The following ZNF609 variants were observed in gnomAD, a reference collection of about 807,000 sequenced individuals.
ZNF609 encodes the protein zinc finger protein 609.
ZNF609 carries 11 observed loss-of-function variants against 109.5 expected under a neutral mutation model. That is an observed-to-expected ratio of 0.10 (90% CI 0.06 to 0.17). ZNF609 has a LOEUF of 0.17. Among genes scored for constraint, ZNF609 ranks in the 10% least tolerant of loss-of-function variants. ZNF609 has a pLI of 1.00. For synonymous variants in ZNF609, 646 were observed against 662.0 expected (o/e 0.98, Z 0.37); for missense variants, 1,559 against 1,772.4 (o/e 0.88, Z 2.16).
chr15:64,492,274 G>A (rs1410207091), intron 1 of ZNF609, among the ~76,000 whole-genome samples: 2 of 152,066 alleles, frequency 1.3e-5, no homozygotes, highest in Non-Finnish European at 2.9e-5. Flanking sequence ...AGCCACATGT[G>A]AAGGTAGGCA....
At chr15:64,571,012 C>T (rs920917333) in intron 2 of ZNF609, among the ~76,000 whole-genome samples, 9 of 152,166 alleles carry the variant, frequency 5.9e-5, no homozygotes, top group Middle Eastern at 3.4e-3. Context: ...GGCAACAGAG[C>T]GAGACTCTGT....
intron 6 of ZNF609, among the ~76,000 whole-genome samples, chr15:64,679,073 T>C (rs944973146): frequency 6.6e-6 from 1 of 152,164 alleles, no homozygotes; most frequent in African/African-American, 2.4e-5. Context: ...TAAATGTTTT[T>C]TGTTTGTTTG....
At chr15:64,482,280 G>A (rs1335825702) in intron 1 of ZNF609, among the ~76,000 whole-genome samples, 2 of 151,988 alleles carry the variant, frequency 1.3e-5, no homozygotes, top group Non-Finnish European at 2.9e-5. Flanking sequence ...TTTTCTGATT[G>A]GAACGTGAAT....
At chr15:64,541,213 G>A (rs1244973067) in intron 2 of ZNF609, among the ~76,000 whole-genome samples, 1 of 151,486 alleles carries the variant, frequency 6.6e-6, no homozygotes, top group Non-Finnish European at 1.5e-5. Flanking sequence ...GGATCACGAG[G>A]TCAGGAGATC....
intron 4 of ZNF609, 47 bp downstream of exon 4, chr15:64,670,480 A>G (rs766570437): frequency 2.7e-6 from 4 of 1,484,520 alleles, no homozygotes; most frequent in South Asian, 2.3e-5. Flanking sequence ...AACCACACTA[A>G]TTGGTGATCC....
At chr15:64,667,150 A>T (rs1476818476) in intron 3 of ZNF609, among the ~76,000 whole-genome samples, 2 of 152,046 alleles carry the variant, frequency 1.3e-5, no homozygotes, top group African/African-American at 4.8e-5. Context: ...AAACAAACAA[A>T]AAAACCCTGA....
intron 2 of ZNF609, among the ~76,000 whole-genome samples, chr15:64,560,277 A>G (rs1178196602): frequency 6.7e-6 from 1 of 149,804 alleles, no homozygotes; most frequent in East Asian, 2.0e-4. Context: ...TGATCTCTTG[A>G]CCTCGTGATC....
Position 64,480,560 on chromosome 15 carries a change from A to G in ZNF609, c.-127-18733A>G, listed in dbSNP as rs140919901. Among the ~76,000 whole-genome samples the G allele has an allele frequency of 3.3e-5, 5 of 152,232 alleles. No individual in the cohort carries two copies. The East Asian group carries it at 5.8e-4, about 18-fold the overall frequency. On this transcript the variant is annotated intron_variant, in intron 1 of 9. Coordinates refer to ENST00000326648, the MANE Select transcript of ZNF609 (RefSeq NM_015042.2). ...AAAAAAAACAAAAAAAGTGTTACCAATAATTTAATTCTCATCTCATATGCT... is the reference window on the plus strand; with the variant it reads ...AAAAAAAACAAAAAAAGTGTTACCAGTAATTTAATTCTCATCTCATATGCT...
intron 1 of ZNF609, among the ~76,000 whole-genome samples, chr15:64,479,543 G>A (rs759469428): frequency 1.3e-5 from 2 of 151,594 alleles, no homozygotes; most frequent in African/African-American, 4.8e-5. Flanking sequence ...CGCCCATCTC[G>A]ACCTCCCAAA....
intron 2 of ZNF609, among the ~76,000 whole-genome samples, 163 bp from the exon 3 acceptor site, chr15:64,622,664 T>C (rs1895894295): frequency 6.6e-6 from 1 of 152,212 alleles, no homozygotes; most frequent in South Asian, 2.1e-4. Flanking sequence ...ACTAGATTTG[T>C]AGTGGTATCA....
chr15:64,640,357 T>C (rs1896236141), intron 3 of ZNF609, among the ~76,000 whole-genome samples: 1 of 151,996 alleles, frequency 6.6e-6, no homozygotes, highest in Non-Finnish European at 1.5e-5. Context: ...TTTCTCTGCA[T>C]TACTATTTAC....
intron 2 of ZNF609, among the ~76,000 whole-genome samples, chr15:64,554,535 C>T (rs1482275452): frequency 1.2e-4 from 18 of 151,978 alleles, no homozygotes; most frequent in Admixed American, 6.6e-4. Context: ...CAGGCATGCA[C>T]CTGTAGTCCC....
In ZNF609 at chr15:64,602,889, A is replaced by ATTTTTTTTTTT. The variant is rs10600562; in HGVS notation, c.748-19919_748-19909dup. ...AGGTGCCTGCCACCACTCTGGGCTA[A>ATTTTTTTTTTT]TTTTTTTTTTTTTTTTTTTTTTTTT... On this transcript the variant is annotated intron_variant, in intron 2 of 9. Transcript: ENST00000326648. Among the ~76,000 whole-genome samples, 68 of 75,174 alleles carry ATTTTTTTTTTT rather than the reference A, an allele frequency of 9.0e-4. 1 individual carries two copies. Among genetic ancestry groups the ATTTTTTTTTTT allele is most frequent in the Non-Finnish European group, 1.2e-3 (50 of 42,940 alleles). The allele number at this position is 75,174 out of a possible 152,430, so 49.3% of individuals were successfully genotyped here. A position where few individuals can be genotyped will look rare whatever the true frequency, so the allele number is the denominator to read the frequency against.
chr15:64,460,578 G>T lies in ZNF609; in HGVS notation c.-388G>T, dbSNP rs1489447140. ...GTGTCCGCGTCTTCCGGGTGACTCT[G>T]GTTGTCCCGGATCGCGGCGGCGGCG... is the stretch of plus-strand genomic sequence containing the variant. On this transcript the variant is annotated 5_prime_UTR_variant, in exon 1 of 10. Coordinates refer to ENST00000326648, the MANE Select transcript of ZNF609 (RefSeq NM_015042.2). Among the ~76,000 whole-genome samples, 1 of 152,060 alleles carries T rather than the reference G, an allele frequency of 6.6e-6. No individual in the cohort carries two copies.
At chr15:64,462,911 A>G (rs1343631301) in intron 1 of ZNF609, among the ~76,000 whole-genome samples, 1 of 152,224 alleles carries the variant, frequency 6.6e-6, no homozygotes, top group Admixed American at 6.5e-5. Context: ...CCTATTGTAC[A>G]TATCTGATAG....
In ZNF609 at chr15:64,674,263, C is replaced by T. The variant is rs749995002; in HGVS notation, c.1409C>T (p.Ser470Leu). 6.8e-6 allele frequency: 11 copies of T among 1,614,080 alleles called. No homozygotes were observed. In the African/African-American group the frequency reaches 1.2e-4, roughly 18 times the overall value. The change falls in exon 5 of 10, where the codon TCA becomes TTA. Residue 470 changes from serine (S) to leucine (L), a missense_variant. Coordinates refer to ENST00000326648, the MANE Select transcript of ZNF609 (RefSeq NM_015042.2). ...CGTGTCCGTACTAATTCCATGGGCT[C>T]AGCCACTGGCCCCCTTCCTGGGACA... ...SKRVRTNSMG[S>L]ATGPLPGTKV...
intron 2 of ZNF609, among the ~76,000 whole-genome samples, chr15:64,557,941 C>T (rs976223618): frequency 3.3e-5 from 5 of 152,170 alleles, no homozygotes; most frequent in African/African-American, 7.2e-5. Flanking sequence ...GCCTCGGCCT[C>T]CCAAAGTGCT....
intron 2 of ZNF609, among the ~76,000 whole-genome samples, chr15:64,558,475 ATG>A (rs1452246879): frequency 2.6e-5 from 4 of 152,216 alleles, no homozygotes; most frequent in African/African-American, 9.6e-5. Flanking sequence ...AATAAGTACT[ATG>A]TAAGTATTGT....
chr15:64,619,798 A>T (rs80078965), intron 2 of ZNF609, among the ~76,000 whole-genome samples: 1 of 152,304 alleles, frequency 6.6e-6, no homozygotes, highest in African/African-American at 2.4e-5. Context: ...CACTTATTGT[A>T]TAGCAGGGTA....
Sources: gnomAD v4.1 joint callset for allele counts (sites outside exome capture counted in the v4.1 genomes callset) on GRCh38, gnomAD v4.1.1 for gene constraint, MANE v1.5 for transcripts, NCBI Gene and HGNC (gene_info 2026-07-23, HGNC 2026-07-21) for gene names.